Variants in CRACR2B observed in about 807,000 individuals in gnomAD.
CRACR2B encodes the protein calcium release activated channel regulator 2B.
A neutral mutation model predicts 46.0 loss-of-function variants in CRACR2B; 50 were observed. That is an observed-to-expected ratio of 1.09 (90% CI 0.87 to 1.38). The LOEUF is 1.38. CRACR2B is among the 40% of genes most tolerant of loss of function. The pLI is 0.00. For synonymous variants in CRACR2B, 277 were observed against 239.6 expected, an observed-to-expected ratio of 1.16 and a Z score of -1.44; for missense variants, 667 against 535.0, an observed-to-expected ratio of 1.25 and a Z score of -2.43.
intron 3 of CRACR2B, 37 bp downstream of exon 3, chr11:829,577 T>C: frequency 4.0e-6 from 6 of 1,515,318 alleles, no homozygotes; most frequent in Non-Finnish European, 5.3e-6. Flanking sequence ...CTGCCCGCTC[T>C]GCTGTTTCTC....
In CRACR2B at chr11:829,121, C is replaced by T. The variant is rs114886336; in HGVS notation, c.277+158C>T. ...CGCACTCGCGCCTGGGGGCTCCTAG[C>T]TGCGGTGGAGTGTGTGGAGCTGACC... On this transcript the variant is annotated intron_variant, in intron 2 of 8. Transcript: ENST00000525077. The T allele has an allele frequency of 1.3e-3, 1,699 of 1,270,432 alleles. 28 individuals are homozygous for T. The African/African-American group carries it at 0.022, about 16-fold the overall frequency. The allele number at this position is 1,270,432 out of a possible 1,614,324, so 78.7% of individuals were successfully genotyped here.
intron 7 of CRACR2B, 28 bp from the exon 8 acceptor site, chr11:831,196 C>T (rs751160179): frequency 1.2e-6 from 2 of 1,610,854 alleles, no homozygotes. Context: ...AGCCTTCCTG[C>T]AGCCGGGTCA....
chr11:830,652 T>C lies in CRACR2B; in HGVS notation c.725T>C (p.Leu242Pro). Residue 242 changes from leucine (L) to proline (P), a missense_variant, in exon 6 of 9, where the codon CTG becomes CCG. Physicochemically the swap from Leu to Pro is moderately conservative, Grantham distance 98 (BLOSUM62 -3). Transcript: ENST00000525077. ...GCCCGCGGGGAGCGGAGAAGCCGTC[T>C]GGAGCTGGAGCTGCAGAGCCGCGAG... is the stretch of plus-strand genomic sequence containing the variant. ...NFARGERRSR[L>P]ELELQSREQD... 7 of 1,548,188 alleles carry C rather than the reference T, an allele frequency of 4.5e-6. No individual in the cohort carries two copies. Among genetic ancestry groups the C allele is most frequent in the Non-Finnish European group, 6.1e-6 (7 of 1,146,424 alleles).
At position 828,938 on chromosome 11, in the gene CRACR2B, C is replaced by T. The variant is rs760968577; in HGVS notation, c.252C>T (p.Thr84=). The change falls in exon 2 of 9, where the codon ACC becomes ACT. Residue 84 remains threonine (T), a synonymous_variant. Transcript: ENST00000525077. The part of the protein sequence containing the change: ...SLDRAHTGFL[T]AREFCLGLGM... ...ACCGGGCTCACACTGGCTTCCTCAC[C>T]GCCAGGGAGTTCTGCCTGGGCCTGG... The T allele has an allele frequency of 1.1e-5, 18 of 1,606,058 alleles. No homozygotes were observed. Among genetic ancestry groups the T allele is most frequent in the African/African-American group, 5.3e-5 (4 of 75,062 alleles).
In CRACR2B at chr11:829,510, A is replaced by G; in HGVS notation, c.428A>G (p.Glu143Gly). 8.7e-6 allele frequency: 14 copies of G among 1,602,040 alleles called. No homozygotes were observed. Among genetic ancestry groups the G allele is most frequent in the Non-Finnish European group, 1.2e-5 (14 of 1,175,600 alleles). ...GAGGAGCGATTCCACACTGTGCTGGAGCAGCTGGGGGTGGCCCCGGTCCTG... is the reference window on the plus strand; with the variant it reads ...GAGGAGCGATTCCACACTGTGCTGGGGCAGCTGGGGGTGGCCCCGGTCCTG... ...EEEERFHTVL[E>G]QLGVAPVLGK... The change falls in exon 3 of 9, where the codon GAG (glutamate) becomes GGG (glycine). Residue 143 changes from glutamate (E) to glycine (G), a missense_variant. Physicochemically the swap from Glu to Gly is moderately conservative, Grantham distance 98. Transcript: ENST00000525077.
chr11:830,383 G>T (rs72847210), intron 5 of CRACR2B, 46 bp downstream of exon 5: 61,857 of 1,536,334 alleles, frequency 0.04, 1,441 homozygotes, highest in Non-Finnish European at 0.046. Flanking sequence ...ATCCCACCTC[G>T]CTGGCCTCCC....
Position 831,742 on chromosome 11 carries a change from G to A in CRACR2B, c.*33G>A, listed in dbSNP as rs1846472321. Reference sequence around the variant, plus strand: ...CGAGTGACTCACGGACCATGAGCTAGAAGCTGCCCTTGCAGGAGGCTTGTC... The same window carrying A: ...CGAGTGACTCACGGACCATGAGCTAAAAGCTGCCCTTGCAGGAGGCTTGTC... On this transcript the variant is annotated 3_prime_UTR_variant, in exon 9 of 9. Coordinates refer to ENST00000525077, the MANE Select transcript of CRACR2B (RefSeq NM_001286606.2). 21 of 1,470,600 alleles carry A rather than the reference G, an allele frequency of 1.4e-5. No individual in the cohort carries two copies. The highest frequency in any genetic ancestry group is 1.9e-5 in the Non-Finnish European group (21 of 1,120,878). 91.1% of individuals were successfully genotyped at this position (1,470,600 alleles called of 1,614,324 possible). A position where few individuals can be genotyped will look rare whatever the true frequency, so the allele number is the denominator to read the frequency against.
At chr11:829,952 C>T in intron 3 of CRACR2B, 34 bp from the exon 4 acceptor site, 4 of 1,543,600 alleles carry the variant, frequency 2.6e-6, no homozygotes, top group Non-Finnish European at 8.7e-7. Flanking sequence ...CCCGCTTCTG[C>T]CAGCTCCAGC....
intron 8 of CRACR2B, 80 bp from the exon 9 acceptor site, chr11:831,455 C>A: frequency 6.7e-7 from 1 of 1,496,828 alleles, no homozygotes; most frequent in Non-Finnish European, 8.9e-7. Flanking sequence ...CCTCTCTTCG[C>A]TCTGAGGGGA....
Position 829,447 on chromosome 11 carries a change from AGGGCACGGC to A in CRACR2B, c.370_378del (p.Thr124_Gly126del). 1 of 1,610,834 alleles carries A rather than the reference AGGGCACGGC, an allele frequency of 6.2e-7. No individual in the cohort carries two copies. Among genetic ancestry groups the A allele is most frequent in the Non-Finnish European group, 8.5e-7 (1 of 1,179,204 alleles). On this transcript the variant is annotated inframe_deletion, in exon 3 of 9. Coordinates refer to ENST00000525077, the MANE Select transcript of CRACR2B (RefSeq NM_001286606.2). Reference sequence around the variant, plus strand: ...TTTGAGTCGGGCGGGCTCGACGTGCAGGGCACGGCGGGCTCTCTGGATGAGGAGGAGGAA... The same window carrying A: ...TTTGAGTCGGGCGGGCTCGACGTGCAGGGCTCTCTGGATGAGGAGGAGGAA...
chr11:827,510 G>A (rs1229119710), upstream of CRACR2B: 6 of 982,424 alleles, frequency 6.1e-6, no homozygotes, highest in South Asian at 9.4e-5. Context: ...GAGGCTGGCC[G>A]CCCCACCCCA....
intron 3 of CRACR2B, 148 bp downstream of exon 3, chr11:829,688 G>A: frequency 1.9e-6 from 2 of 1,071,912 alleles, no homozygotes; most frequent in Non-Finnish European, 1.3e-6. Context: ...TTCCCTGGGA[G>A]GGACCCGGCA....
chr11:831,191 T>C, intron 7 of CRACR2B, 33 bp from the exon 8 acceptor site: 1 of 1,610,892 alleles, frequency 6.2e-7, no homozygotes, highest in Non-Finnish European at 8.5e-7. Flanking sequence ...CAAGGAGCCT[T>C]CCTGCAGCCG....
chr11:829,226 A>G (rs1199548501), intron 2 of CRACR2B, 134 bp from the exon 3 acceptor site: 3 of 1,459,696 alleles, frequency 2.1e-6, no homozygotes, highest in African/African-American at 1.4e-5. Flanking sequence ...TTCCAGGCCA[A>G]TAGGACCAGA....
intron 2 of CRACR2B, 147 bp downstream of exon 2, chr11:829,110 G>A: frequency 7.8e-7 from 1 of 1,290,168 alleles, no homozygotes; most frequent in Non-Finnish European, 1.1e-6. Context: ...CTCGCGCCTG[G>A]GGGCTCCTAG....
rs897787125 is a variant in CRACR2B, at chr11:831,805, C to T, written c.*96C>T. On this transcript the variant is annotated 3_prime_UTR_variant, in exon 9 of 9. Coordinates refer to ENST00000525077, the MANE Select transcript of CRACR2B (RefSeq NM_001286606.2). Reference sequence around the variant, plus strand: ...TGCCCACTCAGGATGCAGGCTCTCCCCAGTGGGCCCCAGGCTCGCCTGACT... The same window carrying T: ...TGCCCACTCAGGATGCAGGCTCTCCTCAGTGGGCCCCAGGCTCGCCTGACT... 78 of 1,394,494 alleles carry T rather than the reference C, an allele frequency of 5.6e-5. No individual in the cohort carries two copies. The highest frequency in any genetic ancestry group is 6.5e-5 in the Admixed American group (2 of 30,876). The allele number at this position is 1,394,494 out of a possible 1,614,324, so 86.4% of individuals were successfully genotyped here.
chr11:829,143 G>C (rs143889805), intron 2 of CRACR2B, 180 bp downstream of exon 2: 169 of 1,266,274 alleles, frequency 1.3e-4, no homozygotes, highest in Middle Eastern at 1.1e-3. Flanking sequence ...GTGTGGAGCT[G>C]ACCTTCCTGG....
upstream of CRACR2B, among the ~76,000 whole-genome samples, chr11:826,575 G>C (rs1269593793): frequency 1.3e-5 from 2 of 152,250 alleles, no homozygotes; most frequent in East Asian, 3.8e-4. Context: ...TTGTTGCCCA[G>C]TGCAATGGCA....
chr11:830,899 C>T lies in CRACR2B; in HGVS notation c.820C>T (p.His274Tyr), dbSNP rs1236765234. 6.5e-7 allele frequency: 1 copy of T among 1,530,954 alleles called. No homozygotes were observed. The allele number at this position is 1,530,954 out of a possible 1,614,324, so 94.8% of individuals were successfully genotyped here. ...GCAGCTGCACGCCCAGGCTGCGGAG[C>T]ACCTGGAGGCACAGGCCCAGAACTC... is the stretch of plus-strand genomic sequence containing the variant. Reference protein sequence around the residue: ...EQQLHAQAAEHLEAQAQNSQL... With the variant: ...EQQLHAQAAEYLEAQAQNSQL... The change falls in exon 7 of 9, where the codon CAC becomes TAC. Residue 274 changes from histidine to tyrosine, a missense_variant. By Grantham distance (83) the His-to-Tyr change is moderately conservative. Transcript: ENST00000525077.
Sources: gnomAD v4.1 joint callset for allele counts (sites outside exome capture counted in the v4.1 genomes callset) on GRCh38, gnomAD v4.1.1 for gene constraint, MANE v1.5 for transcripts, NCBI Gene and HGNC (gene_info 2026-07-23, HGNC 2026-07-21) for gene names.